The following PCDH11Y variants were observed in gnomAD, a reference collection of about 807,000 sequenced individuals.
PCDH11Y encodes protocadherin-11 Y-linked.
For missense variants in PCDH11Y, 12 were observed against 224.8 expected, an observed-to-expected ratio of 0.05 and a Z score of 6.05; for synonymous variants, 9 against 83.6, an observed-to-expected ratio of 0.11 and a Z score of 4.87.
chrY:5,612,125 C>G, intron 4 of PCDH11Y, among the ~76,000 whole-genome samples: 1 of 28,752 alleles, frequency 3.5e-5, no homozygotes, highest in Non-Finnish European at 8.3e-5. Flanking sequence ...GCAGAAATCA[C>G]CCGTCTTCTG....
intron 2 of PCDH11Y, among the ~76,000 whole-genome samples, chrY:5,443,649 G>A: frequency 3.0e-5 from 1 of 33,498 alleles, no homozygotes; most frequent in Non-Finnish European, 7.5e-5. Flanking sequence ...TCAAAAAGAT[G>A]TCTGTACTCC....
chrY:5,292,202 G>A (rs2053068593), intron 2 of PCDH11Y, among the ~76,000 whole-genome samples: 1 of 32,877 alleles, frequency 3.0e-5, no homozygotes, highest in East Asian at 8.0e-4. Flanking sequence ...TTGGCCTGTA[G>A]TTTCCTTTTT....
At chrY:5,346,446 C>A in intron 2 of PCDH11Y, among the ~76,000 whole-genome samples, 1 of 31,951 alleles carries the variant, frequency 3.1e-5, no homozygotes, top group Admixed American at 2.9e-4. Context: ...AGCGACAGAG[C>A]GAGACTCCCT....
intron 2 of PCDH11Y, among the ~76,000 whole-genome samples, chrY:5,411,778 A>G (rs2053247662): frequency 3.0e-5 from 1 of 33,022 alleles, no homozygotes; most frequent in Non-Finnish European, 7.4e-5. Context: ...TTTCTAATCC[A>G]TTGCAGTGGT....
At chrY:5,145,444 A>G in intron 2 of PCDH11Y, among the ~76,000 whole-genome samples, 6 of 33,559 alleles carry the variant, frequency 1.8e-4, no homozygotes, top group Non-Finnish European at 3.7e-4. Flanking sequence ...AATACATAAT[A>G]TCTAAGTCAT....
At chrY:5,733,775 C>T (rs2053607464) in intron 4 of PCDH11Y, among the ~76,000 whole-genome samples, 1 of 32,357 alleles carries the variant, frequency 3.1e-5, no homozygotes, top group Non-Finnish European at 7.6e-5. Context: ...GCTGGGAAAC[C>T]TCCTCAGCCC....
intron 2 of PCDH11Y, among the ~76,000 whole-genome samples, chrY:5,226,662 G>A: frequency 3.5e-5 from 1 of 28,606 alleles, no homozygotes; most frequent in Non-Finnish European, 8.2e-5. Context: ...TCTGAATATA[G>A]GGATCCAGTT....
intron 2 of PCDH11Y, among the ~76,000 whole-genome samples, chrY:5,229,786 G>C (rs2124653662): frequency 3.7e-4 from 12 of 32,125 alleles, no homozygotes; most frequent in Non-Finnish European, 6.8e-4. Flanking sequence ...TTTATTTTCT[G>C]GTTGTTTATG....
At chrY:5,576,369 G>A in intron 3 of PCDH11Y, among the ~76,000 whole-genome samples, 1 of 32,507 alleles carries the variant, frequency 3.1e-5, no homozygotes, top group Non-Finnish European at 7.6e-5. Flanking sequence ...ATTGACATTT[G>A]TGTTGTTAGG....
At chrY:5,646,673 A>G in intron 4 of PCDH11Y, among the ~76,000 whole-genome samples, 1 of 31,935 alleles carries the variant, frequency 3.1e-5, no homozygotes, top group Admixed American at 2.9e-4. Flanking sequence ...AAAAAAAAGT[A>G]TTATGATTTC....
chrY:5,301,838 A>G, intron 2 of PCDH11Y, among the ~76,000 whole-genome samples: 2 of 30,737 alleles, frequency 6.5e-5, no homozygotes, highest in Non-Finnish European at 1.6e-4. Flanking sequence ...TAGCCTTCAC[A>G]TGATACCCGG....
chrY:5,172,555 T>C (rs2124645757), intron 2 of PCDH11Y, among the ~76,000 whole-genome samples: 1 of 32,338 alleles, frequency 3.1e-5, no homozygotes, highest in South Asian at 7.0e-4. Flanking sequence ...TGTTACAATA[T>C]ACAAATACAT....
intron 1 of PCDH11Y, among the ~76,000 whole-genome samples, chrY:5,008,843 CA>C (rs2052543291): frequency 3.2e-5 from 1 of 31,163 alleles, no homozygotes; most frequent in Non-Finnish European, 7.8e-5. Flanking sequence ...AGGGCTAAAA[CA>C]ATGAACAACA....
At chrY:5,543,506 A>G (rs9650873) in intron 3 of PCDH11Y, among the ~76,000 whole-genome samples, 3 of 22,815 alleles carry the variant, frequency 1.3e-4, no homozygotes, top group Admixed American at 3.5e-4. Context: ...TAATTTTCCA[A>G]TTTCAATTGA....
intron 2 of PCDH11Y, among the ~76,000 whole-genome samples, chrY:5,217,984 C>T (rs2124652048): frequency 9.0e-5 from 3 of 33,424 alleles, no homozygotes; most frequent in Non-Finnish European, 2.2e-4. Context: ...TAACTTTCTC[C>T]TCACCTGTAA....
intron 2 of PCDH11Y, among the ~76,000 whole-genome samples, chrY:5,243,629 T>G: frequency 3.6e-5 from 1 of 28,085 alleles, no homozygotes; most frequent in Non-Finnish European, 7.5e-5. Flanking sequence ...TAACAGATCT[T>G]CAGTGGTAAG....
intron 3 of PCDH11Y, among the ~76,000 whole-genome samples, chrY:5,553,561 A>G (rs2053420795): frequency 3.1e-5 from 1 of 32,001 alleles, no homozygotes. Context: ...CTGTGTCTCC[A>G]CACAAATCTC....
chrY:5,313,032 C>T, intron 2 of PCDH11Y, among the ~76,000 whole-genome samples: 1 of 31,529 alleles, frequency 3.2e-5, no homozygotes, highest in Admixed American at 2.9e-4. Context: ...TGCTTTGATC[C>T]ATGTATCCAT....
chrY:5,597,365 G>A (rs2053468608), intron 4 of PCDH11Y, among the ~76,000 whole-genome samples: 4 of 26,687 alleles, frequency 1.5e-4, no homozygotes, highest in Admixed American at 3.8e-4. Flanking sequence ...ATATATATAC[G>A]TATATATATA....
Sources: allele counts gnomAD v4.1 joint callset (sites outside exome capture counted in the v4.1 genomes callset), GRCh38; gene constraint gnomAD v4.1.1; transcripts MANE v1.5; gene names NCBI Gene and HGNC (gene_info 2026-07-23, HGNC 2026-07-21).